Variants in ADAMTS19 observed in about 807,000 individuals in gnomAD.
ADAMTS19 encodes ADAM metallopeptidase with thrombospondin type 1 motif 19.
ADAMTS19 carries 93 observed loss-of-function variants against 153.3 expected under a neutral mutation model. That is an observed-to-expected ratio of 0.61 (90% CI 0.51 to 0.72). The LOEUF is 0.72. Among genes scored for constraint, ADAMTS19 ranks in the 30% least tolerant of loss-of-function variants. The pLI is 0.00. For missense variants in ADAMTS19, 1,482 were observed against 1,552.1 expected (o/e 0.95, Z 0.76); for synonymous variants, 600 against 556.6 (o/e 1.08, Z -1.10).
intron 21 of ADAMTS19, among the ~76,000 whole-genome samples, chr5:129,708,567 A>T (rs1347645259): frequency 7.9e-6 from 1 of 126,014 alleles, no homozygotes; most frequent in Non-Finnish European, 1.6e-5. Context: ...CCTGATTTTC[A>T]TTACTGGAGA....
chr5:129,463,129 T>G (rs1390464776), intron 2 of ADAMTS19, among the ~76,000 whole-genome samples: 1 of 152,248 alleles, frequency 6.6e-6, no homozygotes, highest in Non-Finnish European at 1.5e-5. Context: ...AACATTTCAC[T>G]GGGGAAAACA....
chr5:129,571,659 T>C (rs902988609), intron 7 of ADAMTS19, among the ~76,000 whole-genome samples: 54 of 151,914 alleles, frequency 3.6e-4, no homozygotes, highest in African/African-American at 1.0e-3. Context: ...TTTGTAGATA[T>C]AGACAAGATG....
At chr5:129,710,768 C>T (rs887343734) in intron 21 of ADAMTS19, among the ~76,000 whole-genome samples, 3 of 152,114 alleles carry the variant, frequency 2.0e-5, no homozygotes, top group Non-Finnish European at 2.9e-5. Context: ...TGAAGGAAAA[C>T]TCAGTGAGTC....
At chr5:129,478,753 A>G (rs1177675110) in intron 2 of ADAMTS19, among the ~76,000 whole-genome samples, 2 of 151,976 alleles carry the variant, frequency 1.3e-5, no homozygotes, top group South Asian at 4.2e-4. Flanking sequence ...TGTATTACCC[A>G]GGTTGGTATT....
chr5:129,486,337 C>A (rs2126680452), intron 2 of ADAMTS19, among the ~76,000 whole-genome samples: 1 of 152,094 alleles, frequency 6.6e-6, no homozygotes, highest in East Asian at 1.9e-4. Context: ...AAATCCTTAA[C>A]AAATATTAAC....
chr5:129,647,775 CTGGAGAATGTACCAGCAGG>C lies in ADAMTS19; in HGVS notation c.1884_1902del (p.Gly629ProfsTer35). 1 of 1,613,950 alleles carries C rather than the reference CTGGAGAATGTACCAGCAGG, an allele frequency of 6.2e-7. No individual in the cohort carries two copies. On this transcript the variant is annotated frameshift_variant, in exon 12 of 23. Coordinates refer to ENST00000274487, the MANE Select transcript of ADAMTS19 (RefSeq NM_133638.6). LOFTEE classifies it high-confidence loss of function. ...TAACTTTTGGAATAGTGGTGTAAGG[CTGGAGAATGTACCAGCAGG>C]ACCTCAGCACCTGAACATCTGGCCG...
At chr5:129,621,592 T>G (rs1252409281) in intron 9 of ADAMTS19, among the ~76,000 whole-genome samples, 1 of 152,224 alleles carries the variant, frequency 6.6e-6, no homozygotes, top group Non-Finnish European at 1.5e-5. Flanking sequence ...ATGTGATATT[T>G]CAGACACACC....
intron 6 of ADAMTS19, among the ~76,000 whole-genome samples, chr5:129,537,089 A>G (rs904157413): frequency 6.6e-6 from 1 of 152,034 alleles, no homozygotes; most frequent in African/African-American, 2.4e-5. Context: ...AAAAGAAAAA[A>G]ACAACCCCAT....
At chr5:129,610,102 T>C (rs1183750832) in intron 8 of ADAMTS19, among the ~76,000 whole-genome samples, 2 of 150,608 alleles carry the variant, frequency 1.3e-5, no homozygotes, top group East Asian at 1.9e-4. Context: ...ATTATATATA[T>C]ATATATATAT....
chr5:129,737,001 G>C, intron 22 of ADAMTS19, 66 bp from the exon 23 acceptor site: 1 of 1,395,490 alleles, frequency 7.2e-7, no homozygotes, highest in Non-Finnish European at 9.5e-7. Flanking sequence ...TTAAACGCTT[G>C]AAGTTGGTTT....
rs71749669 is a variant in ADAMTS19 at position 129,507,661 on chromosome 5, C to CGTGTGT, written c.748-1398_748-1393dup. Among the ~76,000 whole-genome samples the CGTGTGT allele has an allele frequency of 7.7e-3, 1,098 of 142,360 alleles. 10 individuals are homozygous for CGTGTGT. Among genetic ancestry groups the CGTGTGT allele is most frequent in the African/African-American group, 0.025 (990 of 39,162 alleles). 93.4% of individuals were successfully genotyped at this position (142,360 alleles called of 152,430 possible). A position where few individuals can be genotyped will look rare whatever the true frequency, so the allele number is the denominator to read the frequency against. ...CTGAATATATTTGTGTGCCTGTGTA[C>CGTGTGT]GTGTGTGTGTGTGTGTGTGTGTGCG... On this transcript the variant is annotated intron_variant, in intron 2 of 22. Transcript: ENST00000274487.
intron 21 of ADAMTS19, among the ~76,000 whole-genome samples, chr5:129,729,310 G>A (rs1757338023): frequency 2.0e-5 from 3 of 151,862 alleles, no homozygotes; most frequent in African/African-American, 7.2e-5. Flanking sequence ...ATTCAATATT[G>A]TCTTCTATAA....
chr5:129,576,365 C>T (rs2126873962), intron 7 of ADAMTS19, among the ~76,000 whole-genome samples: 1 of 152,154 alleles, frequency 6.6e-6, no homozygotes, highest in South Asian at 2.1e-4. Flanking sequence ...TGTGTACACA[C>T]ACTTTTAAAA....
In ADAMTS19 at chr5:129,677,214, GC is replaced by G. The variant is rs1311509347; in HGVS notation, c.2507-2548del. On this transcript the variant is annotated intron_variant, in intron 16 of 22. Coordinates refer to ENST00000274487, the MANE Select transcript of ADAMTS19 (RefSeq NM_133638.6). ...GATTGGGCCCAGCACAGTGGCTTAC[GC>G]CTGTAATCACAGCACTTTGGAAGGC... is the stretch of plus-strand genomic sequence containing the variant. Among the ~76,000 whole-genome samples, 3 of 152,118 alleles carry G rather than the reference GC, an allele frequency of 2.0e-5. No homozygotes were observed. The East Asian group carries it at 5.8e-4, about 29-fold the overall frequency.
intron 15 of ADAMTS19, 33 bp from the exon 16 acceptor site, chr5:129,665,466 A>G (rs1487863658): frequency 6.6e-7 from 1 of 1,514,076 alleles, no homozygotes; most frequent in South Asian, 1.2e-5. Flanking sequence ...GAAGGAACTC[A>G]AGATTTATTT....
At chr5:129,551,718 A>C (rs1581075504) in intron 6 of ADAMTS19, 146 bp from the exon 7 acceptor site, 1 of 552,546 alleles carries the variant, frequency 1.8e-6, no homozygotes, top group East Asian at 3.3e-5. Flanking sequence ...TAGAATTAAA[A>C]ATTAATCTTA....
chr5:129,634,656 C>A (rs1467051746), intron 10 of ADAMTS19, among the ~76,000 whole-genome samples: 1 of 151,952 alleles, frequency 6.6e-6, no homozygotes, highest in Non-Finnish European at 1.5e-5. Flanking sequence ...TTTTGACAAA[C>A]CTGTTCAATA....
chr5:129,625,307 G>A (rs1222820033), intron 10 of ADAMTS19, among the ~76,000 whole-genome samples: 1 of 152,186 alleles, frequency 6.6e-6, no homozygotes, highest in Non-Finnish European at 1.5e-5. Flanking sequence ...ATGTGTGCAT[G>A]TGTCTTTATA....
intron 16 of ADAMTS19, among the ~76,000 whole-genome samples, chr5:129,678,159 G>C (rs1179340829): frequency 6.6e-6 from 1 of 151,992 alleles, no homozygotes; most frequent in Non-Finnish European, 1.5e-5. Flanking sequence ...AGGCCTCTCT[G>C]GTCTGGCTAG....
Sources: allele counts gnomAD v4.1 joint callset (sites outside exome capture counted in the v4.1 genomes callset), GRCh38; gene constraint gnomAD v4.1.1; transcripts MANE v1.5; gene names NCBI Gene and HGNC (gene_info 2026-07-23, HGNC 2026-07-21).